Variants in CFAP70 observed in about 807,000 individuals in gnomAD.
CFAP70 encodes the protein cilia and flagella associated protein 70.
Under a neutral mutation model 137.6 loss-of-function variants are expected in CFAP70, and 81 were observed. The ratio of observed to expected loss-of-function variants is 0.59; its 90% CI spans 0.49 to 0.71. CFAP70 has a LOEUF of 0.71. CFAP70 is among the 30% of genes least tolerant of loss of function. The pLI, the probability that CFAP70 is intolerant of heterozygous loss-of-function variation, is 0.00. For synonymous variants in CFAP70, 382 were observed against 423.6 expected (o/e 0.90, Z 1.20); for missense variants, 976 against 1,226.7 (o/e 0.80, Z 3.05).
intron 4 of CFAP70, among the ~76,000 whole-genome samples, chr10:73,345,821 T>C (rs143653940): frequency 5.3e-5 from 8 of 152,206 alleles, no homozygotes; most frequent in Non-Finnish European, 8.8e-5. Flanking sequence ...GAAATGTCGA[T>C]AGAAGTTGCA....
chr10:73,272,202 G>A (rs1471666178), intron 24 of CFAP70, among the ~76,000 whole-genome samples: 6 of 152,070 alleles, frequency 3.9e-5, no homozygotes, highest in Non-Finnish European at 7.4e-5. Flanking sequence ...TGGCATGGTG[G>A]TGGGCACCTG....
intron 6 of CFAP70, 101 bp downstream of exon 7, chr10:73,341,298 G>A (rs759324448): frequency 2.2e-5 from 23 of 1,038,060 alleles, no homozygotes; most frequent in African/African-American, 4.8e-5. Context: ...TAAGTATTTC[G>A]ACAGGTGACA....
chr10:73,273,158 C>A, intron 23 of CFAP70, 141 bp from the exon 25 acceptor site: 1 of 689,512 alleles, frequency 1.5e-6, no homozygotes. Flanking sequence ...TGACGTCTAC[C>A]TTAAGGGAGT....
intron 5 of CFAP70, among the ~76,000 whole-genome samples, chr10:73,344,335 A>G (rs1370906617): frequency 2.0e-5 from 3 of 152,274 alleles, no homozygotes; most frequent in African/African-American, 7.2e-5. Context: ...ACTTTTAATT[A>G]TCAAAATTAG....
At chr10:73,295,351 TGAA>T (rs1564799737) in intron 15 of CFAP70, 1 of 105,702 alleles carries the variant, frequency 9.5e-6, no homozygotes, top group Non-Finnish European at 1.7e-5. Context: ...AAGAAAGAAA[TGAA>T]GGAAGGAAGG....
chr10:73,348,113 T>C (rs766971536), intron 4 of CFAP70, 43 bp downstream of exon 5: 8 of 1,568,666 alleles, frequency 5.1e-6, no homozygotes, highest in East Asian at 2.2e-5. Flanking sequence ...AATTGTTACA[T>C]TGAATGGCAG....
upstream of CFAP70, among the ~76,000 whole-genome samples, chr10:73,361,582 C>A (rs931862301): frequency 1.1e-4 from 17 of 152,050 alleles, no homozygotes; most frequent in Non-Finnish European, 1.6e-4. Context: ...ATAATAAAAT[C>A]ATCTACATAT....
intron 19 of CFAP70, among the ~76,000 whole-genome samples, chr10:73,282,454 A>T (rs2047331090): frequency 6.6e-6 from 1 of 152,182 alleles, no homozygotes; most frequent in South Asian, 2.1e-4. Flanking sequence ...TGGCTTAGAG[A>T]TCTGAATGTA....
chr10:73,297,406 T>C (rs1303788819), intron 14 of CFAP70, among the ~76,000 whole-genome samples: 1 of 152,166 alleles, frequency 6.6e-6, no homozygotes, highest in Non-Finnish European at 1.5e-5. Context: ...AATGCAGAGC[T>C]CATACTATAT....
chr10:73,326,703 G>A (rs1009903285), intron 8 of CFAP70, among the ~76,000 whole-genome samples: 8 of 152,000 alleles, frequency 5.3e-5, no homozygotes, highest in Non-Finnish European at 8.8e-5. Context: ...AGAATAGGAT[G>A]AACACCTCTA....
chr10:73,352,465 C>T (rs1277610626), intron 3 of CFAP70, among the ~76,000 whole-genome samples: 6 of 149,672 alleles, frequency 4.0e-5, no homozygotes, highest in African/African-American at 1.0e-4. Flanking sequence ...TTTTATCAGG[C>T]TTTCTTTCTT....
rs2051293138 is a variant in CFAP70, at chr10:73,325,287, G to A, written c.778-2190C>T. Among the ~76,000 whole-genome samples, 5 of 152,192 alleles carry A rather than the reference G, an allele frequency of 3.3e-5. No individual in the cohort carries two copies. In the South Asian group the frequency reaches 6.2e-4, roughly 19 times the overall value. On this transcript the variant is annotated intron_variant, in intron 8 of 26. Transcript: ENST00000310715. ...AATACTTTACAGACAAGCAAATGCT[G>A]AGAGATTTTGTCACCACCAGGCCTG...
At chr10:73,354,081 G>A (rs369490396) in intron 2 of CFAP70, among the ~76,000 whole-genome samples, 4 of 152,176 alleles carry the variant, frequency 2.6e-5, no homozygotes, top group African/African-American at 7.2e-5. Flanking sequence ...GTGCAGTGGC[G>A]CGATCTCAGC....
chr10:73,297,095 T>G, exon 15 of CFAP70: 1 of 1,613,968 alleles, frequency 6.2e-7, no homozygotes, highest in Non-Finnish European at 8.5e-7. Flanking sequence ...AGCTCACTGA[T>G]AAATGTCTGA....
intron 19 of CFAP70, among the ~76,000 whole-genome samples, chr10:73,286,435 C>T (rs1314935834): frequency 1.3e-5 from 2 of 152,248 alleles, no homozygotes; most frequent in African/African-American, 2.4e-5. Flanking sequence ...CAGAGTGAGA[C>T]ACCGTCTCAA....
At chr10:73,351,433 G>GTT (rs1004117074) in intron 3 of CFAP70, among the ~76,000 whole-genome samples, 4 of 148,356 alleles carry the variant, frequency 2.7e-5, no homozygotes, top group South Asian at 2.2e-4. Flanking sequence ...TTTTTTGTTT[G>GTT]TTTTTGTTTT....
chr10:73,260,630 T>A (rs1488431950), intron 25 of CFAP70, among the ~76,000 whole-genome samples: 2 of 152,260 alleles, frequency 1.3e-5, no homozygotes, highest in African/African-American at 4.8e-5. Context: ...CATGCCTGTT[T>A]GCAGTTACTC....
intron 15 of CFAP70, chr10:73,296,776 A>G (rs1024022829): frequency 1.6e-5 from 4 of 252,434 alleles, no homozygotes; most frequent in Non-Finnish European, 3.0e-5. Flanking sequence ...TATTTAATCT[A>G]TTTTTGACAA....
At chr10:73,361,383 C>T (rs944412682), upstream of CFAP70, among the ~76,000 whole-genome samples, 39 of 150,642 alleles carry the variant, frequency 2.6e-4, no homozygotes, top group African/African-American at 9.3e-4. Context: ...ACCTCTGCCT[C>T]CCGGGTTCAA....
Sources: allele counts gnomAD v4.1 joint callset (sites outside exome capture counted in the v4.1 genomes callset), GRCh38; gene constraint gnomAD v4.1.1; transcripts MANE v1.5; gene names NCBI Gene and HGNC (gene_info 2026-07-23, HGNC 2026-07-21).